RAB8A: variants seen among roughly 807,000 people sequenced by gnomAD.
The protein encoded by RAB8A is RAB8A, member RAS oncogene family.
RAB8A carries 5 observed loss-of-function variants against 29.2 expected under a neutral mutation model. That is an observed-to-expected ratio of 0.17 (90% confidence interval 0.09 to 0.36). The LOEUF is 0.36. Ranked by LOEUF, RAB8A falls within the 10% of genes least tolerant of loss-of-function variation. The pLI is 1.00. For missense variants in RAB8A, 171 were observed against 272.2 expected, an observed-to-expected ratio of 0.63 and a Z score of 2.62; for synonymous variants, 108 against 99.9, an observed-to-expected ratio of 1.08 and a Z score of -0.49.
At chr19:16,113,247 A>G (rs1248095093) in intron 1 of RAB8A, among the ~76,000 whole-genome samples, 1 of 152,196 alleles carries the variant, frequency 6.6e-6, no homozygotes, top group Admixed American at 6.5e-5. Flanking sequence ...GGGAACGGTC[A>G]CTAAGTCCAG....
chr19:16,131,444 G>A (rs1465392928), intron 7 of RAB8A, among the ~76,000 whole-genome samples: 2 of 152,122 alleles, frequency 1.3e-5, no homozygotes, highest in Non-Finnish European at 2.9e-5. Context: ...TTGGTTTGTT[G>A]GTTGGTTGGA....
intron 7 of RAB8A, among the ~76,000 whole-genome samples, chr19:16,131,692 GGAA>G (rs1422357651): frequency 6.6e-6 from 1 of 151,020 alleles, no homozygotes. Flanking sequence ...ATGGATGGTT[GGAA>G]GAAGATGGAT....
Position 16,132,112 on chromosome 19 carries a change from G to C in RAB8A, c.532-100G>C. 1.1e-6 allele frequency: 1 copy of C among 949,584 alleles called. No homozygotes were observed. Among genetic ancestry groups the C allele is most frequent in the Non-Finnish European group, 1.7e-6 (1 of 602,566 alleles). 58.8% of individuals were successfully genotyped at this position (949,584 alleles called of 1,614,324 possible). A position where few individuals can be genotyped will look rare whatever the true frequency, so the allele number is the denominator to read the frequency against. ...TGGTTGGTTGGTTGGTTGGATGGTTGGATGGATGGTTAGGTGGATGGTTAG... is the reference window on the plus strand; with the variant it reads ...TGGTTGGTTGGTTGGTTGGATGGTTCGATGGATGGTTAGGTGGATGGTTAG... On this transcript the variant is annotated intron_variant, in intron 7 of 7. Coordinates refer to ENST00000300935, the MANE Select transcript of RAB8A (RefSeq NM_005370.5). The surrounding 1 kb of genome is among the most constrained non-coding windows in gnomAD (Gnocchi z 5.6).
At chr19:16,121,316 A>G (rs1599396500) in intron 2 of RAB8A, among the ~76,000 whole-genome samples, 1 of 152,190 alleles carries the variant, frequency 6.6e-6, no homozygotes. Context: ...CTCCCGGGCA[A>G]TAGGCCCTGT....
At chr19:16,112,071 G>C in intron 1 of RAB8A, 46 bp downstream of exon 1, 1 of 1,607,180 alleles carries the variant, frequency 6.2e-7, no homozygotes, top group South Asian at 1.1e-5. Context: ...GCCCGGGCTG[G>C]GCGCGCCCCT....
rs1235385947 is a variant in RAB8A at position 16,133,156 on chromosome 19, C to T, written c.*852C>T. 2.6e-5 allele frequency: 4 copies of T among 152,288 alleles called. No homozygotes were observed. The highest frequency in any genetic ancestry group is 3.8e-4 in the East Asian group (2 of 5,196). 9.4% of individuals were successfully genotyped at this position (152,288 alleles called of 1,614,324 possible). A position where few individuals can be genotyped will look rare whatever the true frequency, so the allele number is the denominator to read the frequency against. ...GTCCTCCCGCTATCTCCAAATCGGA[C>T]GTTCTTTCTAGCTGAGATTTTTATT... On this transcript the variant is annotated 3_prime_UTR_variant, in exon 8 of 8. Coordinates refer to ENST00000300935, the MANE Select transcript of RAB8A (RefSeq NM_005370.5).
intron 2 of RAB8A, among the ~76,000 whole-genome samples, chr19:16,119,514 A>C (rs536628085): frequency 6.6e-6 from 1 of 151,482 alleles, no homozygotes; most frequent in South Asian, 2.1e-4. Context: ...CCTACTGTTC[A>C]CCTCTTAATC....
rs890779532 is a variant in RAB8A, at chr19:16,125,129, G to C, written c.247-341G>C. ...CTGCTGGCAGTGGGCCTGTGGACCG[G>C]CTCCCACCGTCAGGCTGCACCACCC... On this transcript the variant is annotated intron_variant, in intron 3 of 7. Transcript: ENST00000300935. This position sits in a 1 kb window ranked among gnomAD's most constrained non-coding sequence, Gnocchi z 5.0. The C allele has an allele frequency of 2.4e-6, 1 of 411,372 alleles. No individual in the cohort carries two copies. Among genetic ancestry groups the C allele is most frequent in the Non-Finnish European group, 4.6e-6 (1 of 218,136 alleles). The allele number at this position is 411,372 out of a possible 1,614,324, so 25.5% of individuals were successfully genotyped here.
chr19:16,113,575 T>C (rs1163745018), intron 1 of RAB8A, among the ~76,000 whole-genome samples: 1 of 152,128 alleles, frequency 6.6e-6, no homozygotes, highest in Admixed American at 6.5e-5. Context: ...CTAATTTTTG[T>C]ATTTTTAGTA....
chr19:16,125,011 AG>A lies in RAB8A; in HGVS notation c.247-458del. The A allele has an allele frequency of 7.8e-5, 17 of 217,480 alleles. No homozygotes were observed. Among genetic ancestry groups the A allele is most frequent in the South Asian group, 2.8e-4 (4 of 14,386 alleles). 13.5% of individuals were successfully genotyped at this position (217,480 alleles called of 1,614,324 possible). A position where few individuals can be genotyped will look rare whatever the true frequency, so the allele number is the denominator to read the frequency against. On this transcript the variant is annotated intron_variant, in intron 3 of 7. Coordinates refer to ENST00000300935, the MANE Select transcript of RAB8A (RefSeq NM_005370.5). The surrounding 1 kb of genome is among the most constrained non-coding windows in gnomAD (Gnocchi z 5.0). Reference sequence around the variant, plus strand: ...TGTCGGGTCAGGACTTCCTGGGCTCAGTTGTGCCTGGTAGGTGGCTCAGGCA... The same window carrying A: ...TGTCGGGTCAGGACTTCCTGGGCTCATTGTGCCTGGTAGGTGGCTCAGGCA...
chr19:16,119,090 A>G (rs1035823372), intron 2 of RAB8A, among the ~76,000 whole-genome samples: 5 of 152,136 alleles, frequency 3.3e-5, no homozygotes, highest in African/African-American at 1.2e-4. Context: ...GTGCCAGGAG[A>G]TGGGCCACGA....
Position 16,125,419 on chromosome 19 carries a change from C to A in RAB8A, c.247-51C>A, listed in dbSNP as rs764352079. On this transcript the variant is annotated intron_variant, in intron 3 of 7. Transcript: ENST00000300935. The surrounding 1 kb of genome is among the most constrained non-coding windows in gnomAD (Gnocchi z 5.0). ...GTTCTCTGGTGCCGCTGAGGCCTCC[C>A]TTCCAGAGCCTGCAGCCGATCAGGC... The A allele has an allele frequency of 2.6e-6, 4 of 1,537,266 alleles. No individual in the cohort carries two copies. The African/African-American group carries it at 5.5e-5, about 21-fold the overall frequency.
chr19:16,129,225 C>G (rs2090914956), intron 6 of RAB8A, among the ~76,000 whole-genome samples: 1 of 152,216 alleles, frequency 6.6e-6, no homozygotes, highest in Non-Finnish European at 1.5e-5. Flanking sequence ...CCTCTCTGAG[C>G]CTCAGTTTCC....
At chr19:16,126,808 G>A (rs1714526674) in intron 4 of RAB8A, 1 of 152,222 alleles carries the variant, frequency 6.6e-6, no homozygotes, top group African/African-American at 2.4e-5. Context: ...GACCAGCCTA[G>A]CCAACATGGC....
chr19:16,127,247 C>T lies in RAB8A; in HGVS notation c.325-190C>T, dbSNP rs1356371920. ...GTAGCAGCTAGAACCCTGGCCCCAG[C>T]CCTGGCATTGGCTGTGTGACATGGG... On this transcript the variant is annotated intron_variant, in intron 4 of 7. Coordinates refer to ENST00000300935, the MANE Select transcript of RAB8A (RefSeq NM_005370.5). This position sits in a 1 kb window ranked among gnomAD's most constrained non-coding sequence, Gnocchi z 4.8. Among the ~76,000 whole-genome samples the T allele has an allele frequency of 2.0e-5, 3 of 152,208 alleles. No individual in the cohort carries two copies. Among genetic ancestry groups the T allele is most frequent in the Non-Finnish European group, 4.4e-5 (3 of 68,040 alleles).
At chr19:16,117,462 C>T (rs1174158087) in intron 1 of RAB8A, among the ~76,000 whole-genome samples, 1 of 150,414 alleles carries the variant, frequency 6.6e-6, no homozygotes, top group African/African-American at 2.5e-5. Context: ...GCACTCCAGC[C>T]TGGGCGACAG....
intron 1 of RAB8A, among the ~76,000 whole-genome samples, chr19:16,115,908 C>T (rs2144983941): frequency 6.6e-6 from 1 of 152,248 alleles, no homozygotes; most frequent in Admixed American, 6.5e-5. Flanking sequence ...CCCAGCCAGG[C>T]CTGGGCCTCA....
rs1336639681 is a variant in RAB8A at position 16,132,377 on chromosome 19, C to T, written c.*73C>T. On this transcript the variant is annotated 3_prime_UTR_variant, in exon 8 of 8. Transcript: ENST00000300935. The surrounding 1 kb of genome is among the most constrained non-coding windows in gnomAD (Gnocchi z 5.6). ...TGTTCTGAGTGAGCCCCTCACTCAGCCGGGGCCCTCCCACCTCCAACGCCC... is the reference window on the plus strand; with the variant it reads ...TGTTCTGAGTGAGCCCCTCACTCAGTCGGGGCCCTCCCACCTCCAACGCCC... 14 of 1,447,916 alleles carry T rather than the reference C, an allele frequency of 9.7e-6. No homozygotes were observed. Among genetic ancestry groups the T allele is most frequent in the Admixed American group, 9.5e-5 (5 of 52,388 alleles). The allele number at this position is 1,447,916 out of a possible 1,614,324, so 89.7% of individuals were successfully genotyped here.
rs1875025051 is a variant in RAB8A, at chr19:16,128,010, C to T, written c.415-16C>T. On this transcript the variant is annotated splice_polypyrimidine_tract_variant and intron_variant, in intron 5 of 7. Coordinates refer to ENST00000300935, the MANE Select transcript of RAB8A (RefSeq NM_005370.5). ...GGCGGCTGGTGTGCTCATGCGTGTG[C>T]CTCCCTCTCTCACAGCTGGCCCTCG... The T allele has an allele frequency of 6.2e-7, 1 of 1,613,990 alleles. No individual in the cohort carries two copies. The highest frequency in any genetic ancestry group is 1.1e-5 in the South Asian group (1 of 91,076).
Sources: allele counts gnomAD v4.1 joint callset (sites outside exome capture counted in the v4.1 genomes callset), GRCh38; gene constraint gnomAD v4.1.1; non-coding constraint Gnocchi (gnomAD v3.1); transcripts MANE v1.5; gene names NCBI Gene and HGNC (gene_info 2026-07-23, HGNC 2026-07-21).